The following KIF26B variants were observed in gnomAD, a reference collection of about 807,000 sequenced individuals.
KIF26B encodes kinesin family member 26B, also known as kinesin-like protein KIF26B.
In KIF26B, 63 loss-of-function variants were observed where a neutral mutation model predicts 151.2. The observed-to-expected ratio is 0.42, with a 90% CI of 0.34 to 0.51. KIF26B has a LOEUF of 0.51. KIF26B is among the 20% of genes least tolerant of loss of function. The probability of loss-of-function intolerance (pLI) is 0.07; values close to 1 mark genes in which losing one functional copy is unlikely to be tolerated. For missense variants in KIF26B, 2,813 were observed against 2,913.6 expected (o/e 0.97, Z 0.79); for synonymous variants, 1,357 against 1,262.1 (o/e 1.08, Z -1.59).
At chr1:245,531,043 T>C (rs2103096752) in intron 4 of KIF26B, among the ~76,000 whole-genome samples, 1 of 152,260 alleles carries the variant, frequency 6.6e-6, no homozygotes, top group East Asian at 1.9e-4. Flanking sequence ...GTGGTAGTAG[T>C]TGTTATAATT....
chr1:245,324,727 T>C (rs1280364649), intron 2 of KIF26B, among the ~76,000 whole-genome samples: 1 of 152,130 alleles, frequency 6.6e-6, no homozygotes, highest in East Asian at 1.9e-4. Flanking sequence ...AACACGGCCA[T>C]CCCTCAGGCA....
chr1:245,250,409 G>C (rs1377031839), intron 2 of KIF26B, among the ~76,000 whole-genome samples: 1 of 152,192 alleles, frequency 6.6e-6, no homozygotes, highest in Admixed American at 6.5e-5. Flanking sequence ...ATGAATGACT[G>C]TACCTTGATT....
chr1:245,312,241 T>C (rs1671678770), intron 2 of KIF26B, among the ~76,000 whole-genome samples: 1 of 152,188 alleles, frequency 6.6e-6, no homozygotes, highest in Non-Finnish European at 1.5e-5. Context: ...AGCCACATGA[T>C]GGAACTTGTC....
chr1:245,261,463 TTCTTTCTCTC>T (rs1428791001), intron 2 of KIF26B, among the ~76,000 whole-genome samples: 2 of 97,018 alleles, frequency 2.1e-5, no homozygotes, highest in African/African-American at 4.2e-5. Context: ...TGCTTTTTCT[TTCTTTCTCTC>T]TCTCTCTCTC....
Position 245,156,502 on chromosome 1 carries a change from G to C in KIF26B, c.284G>C (p.Ser95Thr), listed in dbSNP as rs1420413050. The change falls in exon 2 of 15, where the codon AGT becomes ACT. Residue 95 changes from serine (S) to threonine (T), a missense_variant. Physicochemically the swap from Ser to Thr is moderately conservative, Grantham distance 58. Around this residue, in one of 3 missense-constraint regions of KIF26B, gnomAD observed 676 missense variants for 688.1 expected, o/e 0.98. Transcript: ENST00000407071. ...PGPASPGIGT[S>T]SPGSLGGSPG... ...CCCGCCTCCCCCGGCATCGGCACTA[G>C]TTCGCCGGGCTCCTTGGGCGGCTCT... 2.0e-6 allele frequency: 3 copies of C among 1,529,372 alleles called. No homozygotes were observed. Among genetic ancestry groups the C allele is most frequent in the Admixed American group, 3.9e-5 (2 of 51,340 alleles). The allele number at this position is 1,529,372 out of a possible 1,614,324, so 94.7% of individuals were successfully genotyped here.
At chr1:245,683,571 G>A (rs1432368210) in intron 10 of KIF26B, among the ~76,000 whole-genome samples, 2 of 152,174 alleles carry the variant, frequency 1.3e-5, no homozygotes, top group African/African-American at 4.8e-5. Flanking sequence ...AGTTGCCAGA[G>A]GAGGCCTCTC....
At chr1:245,596,574 G>A (rs1161831139) in intron 5 of KIF26B, among the ~76,000 whole-genome samples, 1 of 151,942 alleles carries the variant, frequency 6.6e-6, no homozygotes, top group Admixed American at 6.6e-5. Flanking sequence ...TTATGTGGTC[G>A]ATTTCAGAAT....
chr1:245,180,232 G>A (rs1466395105), intron 2 of KIF26B, among the ~76,000 whole-genome samples: 1 of 152,104 alleles, frequency 6.6e-6, no homozygotes, highest in Non-Finnish European at 1.5e-5. Flanking sequence ...TCTAAGAGTA[G>A]GAGAGACTCA....
chr1:245,339,533 T>C (rs1672297155), intron 2 of KIF26B, among the ~76,000 whole-genome samples: 1 of 152,196 alleles, frequency 6.6e-6, no homozygotes, highest in African/African-American at 2.4e-5. Context: ...TTCCTATGGG[T>C]AAAATATGTA....
intron 5 of KIF26B, among the ~76,000 whole-genome samples, chr1:245,583,373 T>C (rs2043195216): frequency 6.6e-6 from 1 of 152,146 alleles, no homozygotes; most frequent in African/African-American, 2.4e-5. Context: ...AGTTTTTCAC[T>C]GGAGCCTGAA....
chr1:245,237,408 G>A (rs927217248), intron 2 of KIF26B, among the ~76,000 whole-genome samples: 1 of 152,092 alleles, frequency 6.6e-6, no homozygotes, highest in Non-Finnish European at 1.5e-5. Flanking sequence ...CATCTGGATG[G>A]AGTTTTTGTA....
chr1:245,248,736 G>A (rs1194422725), intron 2 of KIF26B, among the ~76,000 whole-genome samples: 3 of 152,188 alleles, frequency 2.0e-5, no homozygotes, highest in Non-Finnish European at 2.9e-5. Flanking sequence ...TGATTTGTGA[G>A]TTTATTTCTT....
At chr1:245,556,263 C>CTCCTCCTCCTCTTCTTCT (rs1558212936) in intron 5 of KIF26B, among the ~76,000 whole-genome samples, 1 of 137,036 alleles carries the variant, frequency 7.3e-6, no homozygotes, top group Non-Finnish European at 1.6e-5. Context: ...TCCTTCCTCC[C>CTCCTCCTCCTCTTCTTCT]TCCTCCTCCT....
intron 7 of KIF26B, among the ~76,000 whole-genome samples, chr1:245,608,011 A>G (rs1169203765): frequency 6.6e-6 from 1 of 152,224 alleles, no homozygotes; most frequent in African/African-American, 2.4e-5. Flanking sequence ...GTCAGAGTCA[A>G]GCCCAGAAGG....
At chr1:245,274,679 G>T (rs1023433244) in intron 2 of KIF26B, among the ~76,000 whole-genome samples, 1 of 152,084 alleles carries the variant, frequency 6.6e-6, no homozygotes, top group Non-Finnish European at 1.5e-5. Flanking sequence ...GAACAGTGCC[G>T]CAATAAACAT....
intron 2 of KIF26B, among the ~76,000 whole-genome samples, chr1:245,163,386 C>T (rs769080774): frequency 6.6e-6 from 1 of 152,218 alleles, no homozygotes; most frequent in Non-Finnish European, 1.5e-5. Flanking sequence ...AAGTGATCTG[C>T]CTGCCTTGGC....
chr1:245,282,735 C>T (rs560365899), intron 2 of KIF26B: 54 of 160,328 alleles, frequency 3.4e-4, no homozygotes, highest in African/African-American at 9.1e-4. Context: ...TTGGAGCCCC[C>T]GCTCCCTCTG....
chr1:245,684,697 G>A (rs191847872), intron 11 of KIF26B, among the ~76,000 whole-genome samples: 1 of 152,340 alleles, frequency 6.6e-6, no homozygotes, highest in African/African-American at 2.4e-5. Flanking sequence ...GAGGAAAAAC[G>A]TTGGAGGGAT....
intron 4 of KIF26B, among the ~76,000 whole-genome samples, chr1:245,503,278 T>G (rs1456207459): frequency 6.6e-6 from 1 of 152,238 alleles, no homozygotes; most frequent in East Asian, 1.9e-4. Context: ...AGATTTTATG[T>G]ATGGATTTTC....
Sources: allele counts gnomAD v4.1 joint callset (sites outside exome capture counted in the v4.1 genomes callset), GRCh38; gene constraint gnomAD v4.1.1; regional missense constraint gnomAD v4.1.1; transcripts MANE v1.5; gene names NCBI Gene and HGNC (gene_info 2026-07-23, HGNC 2026-07-21).